The following HMGB1 variants were observed in gnomAD, a reference collection of about 807,000 sequenced individuals.
HMGB1 encodes high mobility group box 1.
For synonymous variants in HMGB1, 81 were observed against 84.0 expected (o/e 0.96, Z 0.19); for missense variants, 79 against 253.5 (o/e 0.31, Z 4.67).
Position 30,535,384 on chromosome 13 carries a change from G to T in HMGB1, c.-14-71690C>A, listed in dbSNP as rs369153438. On this transcript the variant is annotated intron_variant, in intron 1 of 4. Coordinates refer to the HMGB1 transcript ENST00000405805. ...AATTCAATATTTTGGGGAAAAAACT[G>T]TGTTTGCATATGTATGTATTGCTAC... Among the ~76,000 whole-genome samples the T allele has an allele frequency of 8.5e-5, 13 of 152,298 alleles. No homozygotes were observed. In the South Asian group the frequency reaches 2.7e-3, roughly 32 times the overall value.
intron 1 of HMGB1, among the ~76,000 whole-genome samples, chr13:30,596,772 T>C (rs1871629652): frequency 6.6e-6 from 1 of 152,218 alleles, no homozygotes; most frequent in South Asian, 2.1e-4. Context: ...GATGTGCTCA[T>C]TTCTGTAATA....
At chr13:30,548,304 T>C (rs919664542) in intron 1 of HMGB1, among the ~76,000 whole-genome samples, 1 of 152,136 alleles carries the variant, frequency 6.6e-6, no homozygotes, top group Non-Finnish European at 1.5e-5. Context: ...CCTGTCGCCA[T>C]GTAAAGAAAG....
At chr13:30,569,514 C>T (rs965147152) in intron 1 of HMGB1, among the ~76,000 whole-genome samples, 8 of 152,044 alleles carry the variant, frequency 5.3e-5, no homozygotes, top group African/African-American at 1.9e-4. Context: ...AAATACATTA[C>T]CTTGTTTAAC....
intron 1 of HMGB1, among the ~76,000 whole-genome samples, chr13:30,519,962 T>G (rs1888200315): frequency 6.6e-6 from 1 of 152,208 alleles, no homozygotes; most frequent in African/African-American, 2.4e-5. Context: ...TTTAAAATAT[T>G]TAACACTCTT....
intron 1 of HMGB1, among the ~76,000 whole-genome samples, chr13:30,497,916 T>A (rs1887648384): frequency 6.6e-6 from 1 of 152,178 alleles, no homozygotes; most frequent in African/African-American, 2.4e-5. Flanking sequence ...GCAATGAACA[T>A]ACGCATGTGT....
intron 1 of HMGB1, among the ~76,000 whole-genome samples, chr13:30,533,196 T>C (rs1888536122): frequency 6.6e-6 from 1 of 152,138 alleles, no homozygotes; most frequent in African/African-American, 2.4e-5. Context: ...CTGGAGCCAA[T>C]GTACCATGCA....
chr13:30,465,167 C>A (rs997436736), intron 1 of HMGB1: 1 of 963,376 alleles, frequency 1.0e-6, no homozygotes, highest in Admixed American at 6.4e-5. Context: ...CCAGCGAGCG[C>A]AGCGGCGCCG....
intron 1 of HMGB1, among the ~76,000 whole-genome samples, chr13:30,481,309 A>G (rs1887222702): frequency 6.6e-6 from 1 of 151,734 alleles, no homozygotes. Flanking sequence ...TGCTACAGCA[A>G]CAGAAAAAGA....
chr13:30,571,477 G>T (rs1294788320), intron 1 of HMGB1, among the ~76,000 whole-genome samples: 6 of 152,036 alleles, frequency 3.9e-5, no homozygotes, highest in African/African-American at 1.4e-4. Flanking sequence ...TTTATTTTTA[G>T]TAGAGACGGG....
At chr13:30,522,156 A>T (rs1165277813) in intron 1 of HMGB1, among the ~76,000 whole-genome samples, 1 of 138,172 alleles carries the variant, frequency 7.2e-6, no homozygotes, top group Admixed American at 8.0e-5. Flanking sequence ...TCTGTCACCC[A>T]GGTTGAAGTG....
rs180834503 is a variant in HMGB1, at chr13:30,584,235, C to A, written c.-15+32436G>T. 8.5e-5 allele frequency among the ~76,000 whole-genome samples: 13 copies of A among 152,308 alleles called. No individual in the cohort carries two copies. The East Asian group carries it at 2.1e-3, about 25-fold the overall frequency. ...TCTATTGCCAGATTACTCCATCTTT[C>A]AGCCACAAGACCTTTTTATCTTCCT... is the stretch of plus-strand genomic sequence containing the variant. On this transcript the variant is annotated intron_variant, in intron 1 of 4. Coordinates refer to the HMGB1 transcript ENST00000405805.
intron 1 of HMGB1, among the ~76,000 whole-genome samples, chr13:30,488,287 C>CT (rs1887406953): frequency 6.6e-6 from 1 of 152,130 alleles, no homozygotes; most frequent in Non-Finnish European, 1.5e-5. Flanking sequence ...TAAACTATCA[C>CT]TAAACAAAAC....
intron 1 of HMGB1, among the ~76,000 whole-genome samples, chr13:30,500,171 CCTT>C (rs761330894): frequency 1.3e-5 from 2 of 152,136 alleles, no homozygotes; most frequent in African/African-American, 2.4e-5. Flanking sequence ...TCCTGCTTGT[CCTT>C]CTGCTTTTCC....
At chr13:30,507,951 G>A (rs992997888) in intron 1 of HMGB1, among the ~76,000 whole-genome samples, 7 of 152,050 alleles carry the variant, frequency 4.6e-5, no homozygotes, top group South Asian at 2.1e-4. Flanking sequence ...GAGCTATGAC[G>A]GCACTACTAC....
rs1336177670 is a variant in HMGB1 at position 30,497,267 on chromosome 13, C to G, written c.-14-33573G>C. 2.6e-5 allele frequency among the ~76,000 whole-genome samples: 4 copies of G among 152,146 alleles called. No individual in the cohort carries two copies. In the East Asian group the frequency reaches 7.7e-4, roughly 29 times the overall value. Reference sequence around the variant, plus strand: ...TGGATCTACCACTGATTCTCTGTCACCCGGGCTTGAGTACAGTGGTGCGAT... The same window carrying G: ...TGGATCTACCACTGATTCTCTGTCAGCCGGGCTTGAGTACAGTGGTGCGAT... On this transcript the variant is annotated intron_variant, in intron 1 of 4. Transcript: ENST00000405805.
intron 1 of HMGB1, among the ~76,000 whole-genome samples, chr13:30,520,321 C>CA (rs1423058571): frequency 1.3e-5 from 2 of 150,960 alleles, no homozygotes; most frequent in African/African-American, 2.4e-5. Flanking sequence ...GACTCCGTCT[C>CA]AAAAAAAATA....
chr13:30,612,448 T>C (rs1269104197), intron 1 of HMGB1, among the ~76,000 whole-genome samples: 1 of 152,236 alleles, frequency 6.6e-6, no homozygotes, highest in Non-Finnish European at 1.5e-5. Flanking sequence ...AGTCATGTGC[T>C]GCAATGCCAG....
At chr13:30,483,187 G>T (rs1272730715) in intron 1 of HMGB1, among the ~76,000 whole-genome samples, 1 of 152,068 alleles carries the variant, frequency 6.6e-6, no homozygotes, top group Non-Finnish European at 1.5e-5. Context: ...CTCACCCACA[G>T]GTGAGTGAGC....
At chr13:30,614,517 C>A (rs185937389) in intron 1 of HMGB1, among the ~76,000 whole-genome samples, 132 of 152,190 alleles carry the variant, frequency 8.7e-4, no homozygotes, top group Admixed American at 1.5e-3. Context: ...GCTAGATATT[C>A]CAATATCAAG....
Sources: gnomAD v4.1 joint callset for allele counts (sites outside exome capture counted in the v4.1 genomes callset) on GRCh38, gnomAD v4.1.1 for gene constraint, MANE v1.5 for transcripts, NCBI Gene and HGNC (gene_info 2026-07-23, HGNC 2026-07-21) for gene names.